LARGE1: variants seen among roughly 807,000 people sequenced by gnomAD.
The protein encoded by LARGE1 is xylosyl- and glucuronyltransferase LARGE1.
A neutral mutation model predicts 87.6 loss-of-function variants in LARGE1; 43 were observed. The ratio of observed to expected loss-of-function variants is 0.49; its 90% CI spans 0.38 to 0.63. LARGE1 has a LOEUF of 0.63. LARGE1 is among the 30% of genes least tolerant of loss of function. LARGE1 has a pLI of 0.00. For synonymous variants in LARGE1, 434 were observed against 394.6 expected, an observed-to-expected ratio of 1.10 and a Z score of -1.18; for missense variants, 802 against 1,000.2, an observed-to-expected ratio of 0.80 and a Z score of 2.67.
chr22:33,852,693 A>G (rs1175823797), intron 1 of LARGE1, among the ~76,000 whole-genome samples: 1 of 151,680 alleles, frequency 6.6e-6, no homozygotes, highest in Non-Finnish European at 1.5e-5. Flanking sequence ...CTAAAAAAAC[A>G]TATATACAAA....
At chr22:33,917,215 C>T (rs1168347893) in intron 1 of LARGE1, among the ~76,000 whole-genome samples, 1 of 152,186 alleles carries the variant, frequency 6.6e-6, no homozygotes. Context: ...GTATTCTAAA[C>T]TAAGCAGGCT....
At chr22:33,124,374 A>AAGGAAGGAAGGAAGGAAGGAAGGG in the LARGE1 span, among the ~76,000 whole-genome samples, 9 of 150,450 alleles carry the variant, frequency 6.0e-5, no homozygotes, top group African/African-American at 1.5e-4. Context: ...GGAAGGAAGG[A>AAGGAAGGAAGGAAGGAAGGAAGGG]AGGAAGGAAG....
At position 33,607,448 on chromosome 22, in the gene LARGE1, C is replaced by CA. The variant is rs568595112; in HGVS notation, c.492-2891dup. On this transcript the variant is annotated intron_variant, in intron 4 of 14. Coordinates refer to ENST00000397394, the MANE Select transcript of LARGE1 (RefSeq NM_133642.5). ...TGCACTCCAGCCTGGGCAACAAGAG[C>CA]AAAACTGCATCTCAAAAAAAAAAAA... Among the ~76,000 whole-genome samples, 9 of 57,212 alleles carry CA rather than the reference C, an allele frequency of 1.6e-4. No homozygotes were observed. The Admixed American group carries it at 2.3e-3, about 15-fold the overall frequency. The allele number at this position is 57,212 out of a possible 152,430, so 37.5% of individuals were successfully genotyped here.
At chr22:33,253,729 G>A (rs1344735553) in intron 11 of LARGE1, among the ~76,000 whole-genome samples, 2 of 152,060 alleles carry the variant, frequency 1.3e-5, no homozygotes, top group African/African-American at 2.4e-5. Context: ...GCAGCACCTC[G>A]TGCAGCACTC....
At chr22:33,530,011 A>T (rs1466090331) in intron 6 of LARGE1, among the ~76,000 whole-genome samples, 3 of 152,220 alleles carry the variant, frequency 2.0e-5, no homozygotes, top group Non-Finnish European at 4.4e-5. Context: ...AGACATGGTA[A>T]TCCCCTTCCC....
chr22:33,600,544 C>T lies in LARGE1; in HGVS notation c.615+3891G>A, dbSNP rs371171816. Among the ~76,000 whole-genome samples, 7 of 152,164 alleles carry T rather than the reference C, an allele frequency of 4.6e-5. No homozygotes were observed. The South Asian group carries it at 6.2e-4, about 14-fold the overall frequency. The stretch of plus-strand genomic sequence containing the variant: ...GACAGGGAAAGTTTCCCTGAGTACA[C>T]GTAACTTTAGCAAAAGAACTTGTTA... On this transcript the variant is annotated intron_variant, in intron 5 of 14. Transcript: ENST00000397394.
At position 33,193,959 on chromosome 22, in the gene LARGE1, A is replaced by T. The variant is rs1199125361; in HGVS notation, c.1731-27127T>A. Among the ~76,000 whole-genome samples, 8 of 147,512 alleles carry T rather than the reference A, an allele frequency of 5.4e-5. No individual in the cohort carries two copies. The East Asian group carries it at 7.8e-4, about 14-fold the overall frequency. ...TGTTATAGATTATGTTTTATATGTT[A>T]TATATGTTTATATTTTATATATAAT... is the stretch of plus-strand genomic sequence containing the variant. On this transcript the variant is annotated intron_variant, in intron 11 of 11. Coordinates refer to the LARGE1 transcript ENST00000608642.
chr22:33,341,022 T>A (rs1331925920), intron 9 of LARGE1, among the ~76,000 whole-genome samples: 1 of 148,490 alleles, frequency 6.7e-6, no homozygotes, highest in African/African-American at 2.6e-5. Flanking sequence ...CCTGTGGGGG[T>A]TGAACAGTAT....
In LARGE1 at chr22:33,274,305, A is replaced by C; in HGVS notation, c.*122T>G. On this transcript the variant is annotated 3_prime_UTR_variant, in exon 15 of 15. Transcript: ENST00000397394. ...TAGTGAGGGCAGCTTGGCTGGGCCAAAGAGATAAATAAAAACAAACCGAAA... is the reference window on the plus strand; with the variant it reads ...TAGTGAGGGCAGCTTGGCTGGGCCACAGAGATAAATAAAAACAAACCGAAA... 1 of 1,073,380 alleles carries C rather than the reference A, an allele frequency of 9.3e-7. No individual in the cohort carries two copies. Among genetic ancestry groups the C allele is most frequent in the South Asian group, 1.3e-5 (1 of 78,664 alleles). 66.5% of individuals were successfully genotyped at this position (1,073,380 alleles called of 1,614,324 possible).
upstream of LARGE1, among the ~76,000 whole-genome samples, chr22:33,921,219 A>C (rs1195747210): frequency 2.0e-5 from 3 of 152,004 alleles, no homozygotes; most frequent in Admixed American, 1.3e-4. This position sits in a 1 kb window ranked among gnomAD's most constrained non-coding sequence, Gnocchi z 4.1. Context: ...GTGCTTCTTC[A>C]GCTCGCTGGC....
upstream of LARGE1, chr22:33,922,753 A>G (rs57079229): frequency 0.083 from 12,618 of 152,320 alleles, 862 homozygotes; most frequent in East Asian, 0.39. Context: ...TAAAGTGTCA[A>G]AGTTTAATGC....
the LARGE1 span, among the ~76,000 whole-genome samples, chr22:33,072,580 G>C: frequency 6.6e-6 from 1 of 152,182 alleles, no homozygotes; most frequent in Non-Finnish European, 1.5e-5. Context: ...GGTCTCATCT[G>C]AGATTTATTG....
chr22:33,570,792 T>TA (rs2078175603), intron 5 of LARGE1, among the ~76,000 whole-genome samples: 1 of 152,042 alleles, frequency 6.6e-6, no homozygotes, highest in African/African-American at 2.4e-5. Flanking sequence ...ATGCAACCTT[T>TA]TGGGGCAGTC....
chr22:33,890,693 T>C (rs4821195), intron 1 of LARGE1, among the ~76,000 whole-genome samples: 120,991 of 151,590 alleles, frequency 0.8, 49,165 homozygotes, highest in East Asian at 1. Flanking sequence ...TGCAAAATTC[T>C]CAGATCTATT....
chr22:33,100,782 T>G, the LARGE1 span, among the ~76,000 whole-genome samples: 647 of 152,312 alleles, frequency 4.2e-3, 3 homozygotes, highest in African/African-American at 0.014. Context: ...GATTGCATCT[T>G]GTTCTCCAGT....
chr22:33,558,169 T>C (rs1343154671), intron 6 of LARGE1, among the ~76,000 whole-genome samples: 2 of 152,152 alleles, frequency 1.3e-5, no homozygotes, highest in East Asian at 3.9e-4. Flanking sequence ...TGTTGAGCCC[T>C]AGAAGGGGGC....
intron 6 of LARGE1, among the ~76,000 whole-genome samples, chr22:33,455,958 A>C (rs139328465): frequency 7.1e-4 from 108 of 152,204 alleles, no homozygotes; most frequent in African/African-American, 2.4e-3. Flanking sequence ...GTGGACCCTC[A>C]CTCAGAGACA....
intron 7 of LARGE1, among the ~76,000 whole-genome samples, chr22:33,425,603 T>C (rs565169303): frequency 3.3e-5 from 5 of 152,350 alleles, no homozygotes; most frequent in South Asian, 4.1e-4. Flanking sequence ...GTTCTTAGAA[T>C]AGCACACATC....
In LARGE1 at chr22:33,739,718, G is replaced by A. The variant is rs527825729; in HGVS notation, c.106+21653C>T. Among the ~76,000 whole-genome samples the A allele has an allele frequency of 7.2e-5, 11 of 152,304 alleles. No homozygotes were observed. In the South Asian group the frequency reaches 2.3e-3, roughly 32 times the overall value. ...TGAGCTCAGTGGGGCAGCCTGGGGA[G>A]AGGAGAAGAGCAGGAAAAAATTAAG... On this transcript the variant is annotated intron_variant, in intron 2 of 14. Coordinates refer to ENST00000397394, the MANE Select transcript of LARGE1 (RefSeq NM_133642.5).
Sources: allele counts gnomAD v4.1 joint callset (sites outside exome capture counted in the v4.1 genomes callset), GRCh38; gene constraint gnomAD v4.1.1; non-coding constraint Gnocchi (gnomAD v3.1); transcripts MANE v1.5; gene names NCBI Gene and HGNC (gene_info 2026-07-23, HGNC 2026-07-21).